Variants in BTRC observed in about 807,000 individuals in gnomAD.
BTRC encodes the protein beta-transducin repeat containing E3 ubiquitin protein ligase.
In BTRC, 42 loss-of-function variants were observed where a neutral mutation model predicts 85.5. The observed-to-expected ratio is 0.49, with a 90% CI of 0.38 to 0.64. The LOEUF (loss-of-function observed/expected upper bound fraction) is 0.64, where lower values mean the gene tolerates loss of function less well. Ranked by LOEUF, BTRC falls within the 30% of genes least tolerant of loss-of-function variation. BTRC has a pLI of 0.00. For missense variants in BTRC, 594 were observed against 743.5 expected (o/e 0.80, Z 2.34); for synonymous variants, 255 against 263.3 (o/e 0.97, Z 0.30).
intron 4 of BTRC, among the ~76,000 whole-genome samples, chr10:101,505,292 C>T (rs1178175739): frequency 6.7e-6 from 1 of 149,770 alleles, no homozygotes; most frequent in African/African-American, 2.4e-5. Context: ...GCATGAGCCA[C>T]CATGCCTGGC....
In BTRC at chr10:101,376,649, A is replaced by G. The variant is rs528121877; in HGVS notation, c.48+22421A>G. Reference sequence around the variant, plus strand: ...TGTGTATCATCTTCATTTATTTTAAAGATGCTGTGGCTGGTCCCTCAGCTC... The same window carrying G: ...TGTGTATCATCTTCATTTATTTTAAGGATGCTGTGGCTGGTCCCTCAGCTC... On this transcript the variant is annotated intron_variant, in intron 1 of 14. Transcript: ENST00000370187. Among the ~76,000 whole-genome samples the G allele has an allele frequency of 2.6e-5, 4 of 152,322 alleles. No individual in the cohort carries two copies. The East Asian group carries it at 7.7e-4, about 29-fold the overall frequency.
chr10:101,382,810 A>G (rs961576562), intron 1 of BTRC, among the ~76,000 whole-genome samples: 3 of 151,998 alleles, frequency 2.0e-5, no homozygotes, highest in African/African-American at 4.8e-5. Flanking sequence ...TTCTTTCTCA[A>G]TTTTGAAATG....
intron 4 of BTRC, among the ~76,000 whole-genome samples, chr10:101,515,310 T>A (rs2062008884): frequency 6.6e-6 from 1 of 152,178 alleles, no homozygotes; most frequent in South Asian, 2.1e-4. Flanking sequence ...TGCTTTTCTT[T>A]ACAAATTTTA....
chr10:101,475,637 A>G (rs985655592), intron 3 of BTRC, among the ~76,000 whole-genome samples: 10 of 152,058 alleles, frequency 6.6e-5, no homozygotes, highest in Admixed American at 4.6e-4. Context: ...AATTTTATCT[A>G]TTTTCTTTCC....
At chr10:101,368,076 G>A (rs1942521786) in intron 1 of BTRC, among the ~76,000 whole-genome samples, 2 of 152,194 alleles carry the variant, frequency 1.3e-5, no homozygotes, top group South Asian at 4.1e-4. Flanking sequence ...AGTGTTGGAG[G>A]TGGGGCCTGG....
At chr10:101,354,129 G>GGCACC, upstream of BTRC, 1 of 1,545,254 alleles carries the variant, frequency 6.5e-7, no homozygotes, top group Non-Finnish European at 8.7e-7. Context: ...GCTGCGGCCT[G>GGCACC]GCACCAAAGG....
At chr10:101,464,302 G>A (rs1945310417) in intron 3 of BTRC, among the ~76,000 whole-genome samples, 1 of 152,136 alleles carries the variant, frequency 6.6e-6, no homozygotes, top group African/African-American at 2.4e-5. Context: ...TCAAACTGAA[G>A]CAAGAGAGAG....
At chr10:101,479,099 C>T (rs1245860448) in intron 3 of BTRC, among the ~76,000 whole-genome samples, 4 of 152,162 alleles carry the variant, frequency 2.6e-5, no homozygotes, top group Non-Finnish European at 4.4e-5. Flanking sequence ...TTTTAAAATG[C>T]TACATAATCA....
chr10:101,369,726 A>G (rs1317204014), intron 1 of BTRC, among the ~76,000 whole-genome samples: 1 of 152,214 alleles, frequency 6.6e-6, no homozygotes. Flanking sequence ...ATTTTATCTT[A>G]CATATTATTT....
chr10:101,543,428 T>C (rs1219392126), intron 13 of BTRC, among the ~76,000 whole-genome samples: 1 of 152,028 alleles, frequency 6.6e-6, no homozygotes, highest in Non-Finnish European at 1.5e-5. Flanking sequence ...AATGAATTTC[T>C]CATATTCAGC....
At chr10:101,400,585 C>T (rs1335498130) in intron 1 of BTRC, among the ~76,000 whole-genome samples, 5 of 152,164 alleles carry the variant, frequency 3.3e-5, no homozygotes, top group African/African-American at 7.2e-5. Context: ...GGTTTGCCTC[C>T]TCTCCCTGTC....
chr10:101,552,791 G>A (rs958210493), intron 14 of BTRC, among the ~76,000 whole-genome samples: 5 of 152,022 alleles, frequency 3.3e-5, no homozygotes, highest in African/African-American at 7.3e-5. Flanking sequence ...TACTGGCACC[G>A]CCATGCTCAT....
At chr10:101,404,053 A>T (rs1943560063) in intron 1 of BTRC, among the ~76,000 whole-genome samples, 1 of 7,116 alleles carries the variant, frequency 1.4e-4, no homozygotes, top group Admixed American at 1.8e-3. Flanking sequence ...TTTTTTTGAG[A>T]CAGAGTCTCG....
Position 101,426,187 on chromosome 10 carries a change from C to T in BTRC, c.49-4158C>T, listed in dbSNP as rs1373717051. On this transcript the variant is annotated intron_variant, in intron 1 of 14. Coordinates refer to ENST00000370187, the MANE Select transcript of BTRC (RefSeq NM_033637.4). The stretch of plus-strand genomic sequence containing the variant: ...AACAGGTAGAGTAAAAGTTATAGCC[C>T]ACTCCATTTATTTTGTAATAATATT... Among the ~76,000 whole-genome samples the T allele has an allele frequency of 2.6e-5, 4 of 152,142 alleles. No individual in the cohort carries two copies. The East Asian group carries it at 7.7e-4, about 29-fold the overall frequency.
At chr10:101,456,845 A>T in intron 2 of BTRC, among the ~76,000 whole-genome samples, 1 of 152,212 alleles carries the variant, frequency 6.6e-6, no homozygotes, top group East Asian at 1.9e-4. Flanking sequence ...GTTAATATAA[A>T]AGGTAACAAG....
At chr10:101,356,461 G>C (rs150898214) in intron 1 of BTRC, among the ~76,000 whole-genome samples, 1 of 152,342 alleles carries the variant, frequency 6.6e-6, no homozygotes, top group East Asian at 1.9e-4. Context: ...GTACCAGTGA[G>C]TTATGTTTTG....
chr10:101,462,168 A>T (rs1432383343), intron 3 of BTRC, 110 bp downstream of exon 3: 3 of 830,910 alleles, frequency 3.6e-6, no homozygotes, highest in Non-Finnish European at 5.7e-6. Context: ...TATTAAGAGT[A>T]CTCGGACGTT....
intron 1 of BTRC, among the ~76,000 whole-genome samples, chr10:101,398,912 C>G (rs915861603): frequency 3.9e-4 from 60 of 152,264 alleles, no homozygotes; most frequent in African/African-American, 1.3e-3. Context: ...GCCTGGCTAA[C>G]CGAAATCTGG....
At chr10:101,395,186 T>C (rs1161447108) in intron 1 of BTRC, among the ~76,000 whole-genome samples, 1 of 152,148 alleles carries the variant, frequency 6.6e-6, no homozygotes, top group East Asian at 1.9e-4. Flanking sequence ...TTCCTACCAA[T>C]ACAGCAAACT....
Sources: gnomAD v4.1 joint callset for allele counts (sites outside exome capture counted in the v4.1 genomes callset) on GRCh38, gnomAD v4.1.1 for gene constraint, MANE v1.5 for transcripts, NCBI Gene and HGNC (gene_info 2026-07-23, HGNC 2026-07-21) for gene names.